Variants in UTRN observed in about 807,000 individuals in gnomAD.
The protein encoded by UTRN is dystrophin-related protein 1.
Under a neutral mutation model 463.9 loss-of-function variants are expected in UTRN, and 283 were observed. The observed-to-expected ratio is 0.61, with a 90% CI of 0.55 to 0.67. The LOEUF (loss-of-function observed/expected upper bound fraction) is 0.67, where lower values mean the gene tolerates loss of function less well. Ranked by LOEUF, UTRN falls within the 30% of genes least tolerant of loss-of-function variation. UTRN has a pLI of 0.00. For missense variants in UTRN, 3,922 were observed against 4,084.3 expected (o/e 0.96, Z 1.08); for synonymous variants, 1,442 against 1,431.5 (o/e 1.01, Z -0.17).
rs878995117 is a variant in UTRN, at chr6:144,439,045, T to C, written c.1392+150T>C. 14 of 831,024 alleles carry C rather than the reference T, an allele frequency of 1.7e-5. No individual in the cohort carries two copies. The Admixed American group carries it at 3.8e-4, about 22-fold the overall frequency. 51.5% of individuals were successfully genotyped at this position (831,024 alleles called of 1,614,324 possible). ...TTAGCAGCTCACAGGGTGGAATTGATAGAGATGAGACTTTTCTGAGCCAGG... is the reference window on the plus strand; with the variant it reads ...TTAGCAGCTCACAGGGTGGAATTGACAGAGATGAGACTTTTCTGAGCCAGG... On this transcript the variant is annotated intron_variant, in intron 12 of 74. Transcript: ENST00000367545.
At chr6:144,528,924 G>A (rs1796792806) in intron 41 of UTRN, among the ~76,000 whole-genome samples, 1 of 152,214 alleles carries the variant, frequency 6.6e-6, no homozygotes, top group African/African-American at 2.4e-5. Flanking sequence ...CCATCAGGTT[G>A]GGCAGGGTTA....
chr6:144,787,219 T>C (rs544717289), intron 61 of UTRN, among the ~76,000 whole-genome samples: 2 of 152,330 alleles, frequency 1.3e-5, no homozygotes, highest in East Asian at 3.9e-4. Flanking sequence ...TTCCTGCTTT[T>C]GAAAGGAAGC....
At chr6:144,675,656 A>G (rs9373420) in intron 51 of UTRN, among the ~76,000 whole-genome samples, 18,696 of 152,152 alleles carry the variant, frequency 0.12, 1,674 homozygotes, top group East Asian at 0.51. Context: ...ATGTTGCCCT[A>G]TGTTGGCCAG....
At chr6:144,390,409 A>T (rs1212457293) in intron 2 of UTRN, among the ~76,000 whole-genome samples, 4 of 152,056 alleles carry the variant, frequency 2.6e-5, no homozygotes, top group Admixed American at 2.6e-4. Flanking sequence ...TCCATTTTTC[A>T]TGTTAATCTC....
chr6:144,405,544 A>G (rs192959333), intron 3 of UTRN, among the ~76,000 whole-genome samples: 83 of 152,222 alleles, frequency 5.5e-4, no homozygotes, highest in African/African-American at 1.8e-3. Flanking sequence ...TTAAAAATCC[A>G]TGTCCTTTGG....
At chr6:144,482,047 A>G (rs1351318465) in intron 26 of UTRN, among the ~76,000 whole-genome samples, 162 bp from the exon 27 acceptor site, 1 of 152,200 alleles carries the variant, frequency 6.6e-6, no homozygotes, top group African/African-American at 2.4e-5. Context: ...AAAACCCCAC[A>G]AAGAACCATT....
chr6:144,326,851 CAAG>C (rs1420047011), intron 2 of UTRN, among the ~76,000 whole-genome samples: 1 of 152,254 alleles, frequency 6.6e-6, no homozygotes, highest in South Asian at 2.1e-4. Context: ...GAATCCCACT[CAAG>C]GAGGGAGAAA....
At chr6:144,548,513 A>T in intron 46 of UTRN, 127 bp from the exon 47 acceptor site, 1 of 814,570 alleles carries the variant, frequency 1.2e-6, no homozygotes, top group South Asian at 1.9e-5. Flanking sequence ...ATGAAAAAAT[A>T]ACCTCTTAGA....
At chr6:144,303,618 A>AT (rs370674273) in intron 2 of UTRN, among the ~76,000 whole-genome samples, 4 of 152,228 alleles carry the variant, frequency 2.6e-5, no homozygotes, top group African/African-American at 9.6e-5. Flanking sequence ...TAGGATCTGT[A>AT]TTTTTTTCTA....
chr6:144,828,412 C>G (rs1273907894), intron 68 of UTRN, among the ~76,000 whole-genome samples: 1 of 152,060 alleles, frequency 6.6e-6, no homozygotes, highest in Non-Finnish European at 1.5e-5. Context: ...TGGATCATGT[C>G]CTTAGTTGAA....
intron 50 of UTRN, among the ~76,000 whole-genome samples, chr6:144,574,752 T>G (rs1801273320): frequency 6.6e-6 from 1 of 152,264 alleles, no homozygotes; most frequent in South Asian, 2.1e-4. Flanking sequence ...CAGCTAATTT[T>G]TGTATTTTTA....
chr6:144,661,823 T>C (rs1339322763), intron 51 of UTRN, among the ~76,000 whole-genome samples: 1 of 152,176 alleles, frequency 6.6e-6, no homozygotes, highest in Non-Finnish European at 1.5e-5. Context: ...CTAACCTGCC[T>C]CAGCTTCAAG....
At chr6:144,801,707 G>A (rs1777713929) in intron 64 of UTRN, among the ~76,000 whole-genome samples, 2 of 152,082 alleles carry the variant, frequency 1.3e-5, no homozygotes, top group Non-Finnish European at 2.9e-5. Flanking sequence ...AAATAAATTA[G>A]AACTTTAGTT....
chr6:144,577,206 T>G lies in UTRN; in HGVS notation c.7397T>G (p.Val2466Gly). 1 of 1,613,932 alleles carries G rather than the reference T, an allele frequency of 6.2e-7. No homozygotes were observed. The highest frequency in any genetic ancestry group is 8.5e-7 in the Non-Finnish European group (1 of 1,179,906). The stretch of plus-strand genomic sequence containing the variant: ...TGGATCCAAGAAGCAGAGACCACAG[T>G]GAATGTGCTTGTGGATGCCTCTCAT... ...LKWIQEAETTVNVLVDASHRE... is the reference protein window; with the variant it reads ...LKWIQEAETTGNVLVDASHRE... Residue 2466 changes from valine (V) to glycine (G), a missense_variant, in exon 51 of 75, where the codon GTG becomes GGG. Val to Gly is a moderately radical substitution (Grantham distance 109). Transcript: ENST00000367545.
At chr6:144,577,674 C>T (rs1801570380) in intron 51 of UTRN, among the ~76,000 whole-genome samples, 1 of 152,100 alleles carries the variant, frequency 6.6e-6, no homozygotes, top group South Asian at 2.1e-4. Flanking sequence ...GCTGCAAAAG[C>T]TCTATGGCTT....
At chr6:144,609,118 T>A (rs951434589) in intron 51 of UTRN, among the ~76,000 whole-genome samples, 6 of 152,178 alleles carry the variant, frequency 3.9e-5, no homozygotes, top group Admixed American at 6.5e-5. Flanking sequence ...AAGAATAGAT[T>A]AAACTCTCTA....
rs116826856 is a variant in UTRN at position 144,721,591 on chromosome 6, A to G, written c.7810-8766A>G. Reference sequence around the variant, plus strand: ...TCTATTGCTTGGAGGCCAAAACTTCACTTTATACAATTTGTCTGGGAGGGG... The same window carrying G: ...TCTATTGCTTGGAGGCCAAAACTTCGCTTTATACAATTTGTCTGGGAGGGG... On this transcript the variant is annotated intron_variant, in intron 53 of 74. Coordinates refer to ENST00000367545, the MANE Select transcript of UTRN (RefSeq NM_007124.3). Among the ~76,000 whole-genome samples the G allele has an allele frequency of 2.4e-3, 362 of 152,274 alleles. 1 individual carries two copies. The highest frequency in any genetic ancestry group is 7.9e-3 in the African/African-American group (328 of 41,552).
chr6:144,563,486 A>G (rs1029560893), intron 50 of UTRN, among the ~76,000 whole-genome samples: 1 of 152,168 alleles, frequency 6.6e-6, no homozygotes, highest in African/African-American at 2.4e-5. Flanking sequence ...TCAAGCTCTT[A>G]AAAATGAATG....
At chr6:144,463,917 CTTTA>C (rs1789670134) in intron 23 of UTRN, among the ~76,000 whole-genome samples, 1 of 150,482 alleles carries the variant, frequency 6.6e-6, no homozygotes. Context: ...GCATATACAT[CTTTA>C]TTTATATAGA....
Sources: gnomAD v4.1 joint callset for allele counts (sites outside exome capture counted in the v4.1 genomes callset) on GRCh38, gnomAD v4.1.1 for gene constraint, MANE v1.5 for transcripts, NCBI Gene and HGNC (gene_info 2026-07-23, HGNC 2026-07-21) for gene names.